The following USP15 variants were observed in gnomAD, a reference collection of about 807,000 sequenced individuals.
USP15 encodes the protein ubiquitin specific peptidase 15, also known as ubiquitin carboxyl-terminal hydrolase 15.
A neutral mutation model predicts 127.1 loss-of-function variants in USP15; 18 were observed. That is an observed-to-expected ratio of 0.14 (90% CI 0.10 to 0.21). USP15 has a LOEUF of 0.21. Among genes scored for constraint, USP15 ranks in the 10% least tolerant of loss-of-function variants. The probability of loss-of-function intolerance (pLI) is 1.00; values close to 1 mark genes in which losing one functional copy is unlikely to be tolerated. For missense variants in USP15, 805 were observed against 1,159.9 expected, an observed-to-expected ratio of 0.69 and a Z score of 4.44; for synonymous variants, 364 against 393.7, an observed-to-expected ratio of 0.92 and a Z score of 0.89.
At chr12:62,314,029 T>C in intron 3 of USP15, 3 of 898,560 alleles carry the variant, frequency 3.3e-6, no homozygotes, top group Non-Finnish European at 4.0e-6. Context: ...AGTTAACCTT[T>C]AGAAGATCGA....
At chr12:62,276,812 A>C (rs1014897854) in intron 1 of USP15, among the ~76,000 whole-genome samples, 1 of 152,138 alleles carries the variant, frequency 6.6e-6, no homozygotes, top group Non-Finnish European at 1.5e-5. Context: ...GTACAACTAT[A>C]AAAAATAAAT....
intron 1 of USP15, among the ~76,000 whole-genome samples, chr12:62,269,329 T>C: frequency 6.6e-6 from 1 of 152,068 alleles, no homozygotes; most frequent in Non-Finnish European, 1.5e-5. Flanking sequence ...TAAGTATATA[T>C]ATATGTGTGT....
rs11174459 is a variant in USP15, at chr12:62,394,830, C to T, written c.2571-1465C>T. Among the ~76,000 whole-genome samples the T allele has an allele frequency of 4.7e-5, 7 of 149,256 alleles. 1 individual carries two copies. Among genetic ancestry groups the T allele is most frequent in the South Asian group, 4.2e-4 (2 of 4,742 alleles). ...CGCCACTGCACTCCAGGCTGCCTGG[C>T]GACAGAGCGAGACTCCCTCTCAAAA... On this transcript the variant is annotated intron_variant, in intron 19 of 21. Transcript: ENST00000280377.
chr12:62,347,137 A>G (rs1429231768), intron 6 of USP15, among the ~76,000 whole-genome samples: 1 of 152,152 alleles, frequency 6.6e-6, no homozygotes, highest in Non-Finnish European at 1.5e-5. Context: ...TGAGGCATAC[A>G]GTAGTCATTT....
intron 3 of USP15, among the ~76,000 whole-genome samples, chr12:62,308,201 G>C (rs924841902): frequency 1.3e-5 from 2 of 151,874 alleles, no homozygotes; most frequent in African/African-American, 4.8e-5. Flanking sequence ...TGAACTCCAG[G>C]TTGCTAAAAT....
chr12:62,320,277 G>T (rs758820473), intron 4 of USP15, among the ~76,000 whole-genome samples: 1 of 152,040 alleles, frequency 6.6e-6, no homozygotes, highest in Non-Finnish European at 1.5e-5. Context: ...CATGAGATAC[G>T]GTTGTTTGTG....
chr12:62,265,860 CTTATT>C (rs1264639634), intron 1 of USP15, among the ~76,000 whole-genome samples: 2 of 152,150 alleles, frequency 1.3e-5, no homozygotes, highest in Non-Finnish European at 2.9e-5. Context: ...GCCTCTGTCT[CTTATT>C]TTAAAGATTC....
Position 62,280,249 on chromosome 12 carries a change from T to G in USP15, c.90-13930T>G, listed in dbSNP as rs189682810. 4.2e-3 allele frequency among the ~76,000 whole-genome samples: 637 copies of G among 151,096 alleles called. 4 individuals carry two copies. Among genetic ancestry groups the G allele is most frequent in the Non-Finnish European group, 7.5e-3 (504 of 67,136 alleles). On this transcript the variant is annotated intron_variant, in intron 1 of 21. Coordinates refer to ENST00000280377, the MANE Select transcript of USP15 (RefSeq NM_001252078.2). ...AATGAGGAAACTGAGATTTCCACTT[T>G]GTTTTTCTTCCAGACTTTCTGGGGA...
At chr12:62,325,769 AT>A (rs2065106947) in intron 5 of USP15, 102 bp from the exon 6 acceptor site, 1 of 936,906 alleles carries the variant, frequency 1.1e-6, no homozygotes, top group East Asian at 2.7e-5. Context: ...CCTTTAAATA[AT>A]CACAGAGTTA....
intron 7 of USP15, among the ~76,000 whole-genome samples, chr12:62,353,851 C>A (rs1327228964): frequency 6.6e-6 from 1 of 151,948 alleles, no homozygotes; most frequent in African/African-American, 2.4e-5. Context: ...AAGAAAGATG[C>A]ATGAATTATA....
Position 62,325,947 on chromosome 12 carries a change from C to T in USP15, c.683+14C>T. 7 of 1,600,144 alleles carry T rather than the reference C, an allele frequency of 4.4e-6. No homozygotes were observed. Among genetic ancestry groups the T allele is most frequent in the Non-Finnish European group, 6.0e-6 (7 of 1,172,480 alleles). The stretch of plus-strand genomic sequence containing the variant: ...TTCTACTCCTAAGTAAGTGCTCCCA[C>T]TTCTTATGGCTTATTGTATGATTTT... On this transcript the variant is annotated intron_variant, in intron 6 of 21. Transcript: ENST00000280377.
At chr12:62,270,750 T>G (rs1380377450) in intron 1 of USP15, among the ~76,000 whole-genome samples, 1 of 152,102 alleles carries the variant, frequency 6.6e-6, no homozygotes, top group Admixed American at 6.6e-5. Context: ...GTAGACAGTT[T>G]TAAAATCTGG....
intron 19 of USP15, among the ~76,000 whole-genome samples, chr12:62,395,725 A>G (rs917891590): frequency 5.3e-5 from 8 of 150,698 alleles, no homozygotes; most frequent in African/African-American, 1.7e-4. Context: ...TTATTTTTAG[A>G]TCCCACAAAT....
At chr12:62,295,144 C>A (rs530979443) in intron 2 of USP15, among the ~76,000 whole-genome samples, 1 of 152,054 alleles carries the variant, frequency 6.6e-6, no homozygotes. Flanking sequence ...GACCCCCCCC[C>A]ATAGGGTTGC....
At chr12:62,347,399 A>T (rs376772436) in intron 6 of USP15, among the ~76,000 whole-genome samples, 2 of 144,920 alleles carry the variant, frequency 1.4e-5, no homozygotes, top group African/African-American at 5.3e-5. Context: ...TATATGTCTC[A>T]GTCACTTTAT....
chr12:62,300,608 T>C (rs942705066), intron 2 of USP15, among the ~76,000 whole-genome samples: 2 of 152,104 alleles, frequency 1.3e-5, no homozygotes, highest in Admixed American at 1.3e-4. Flanking sequence ...GATCTACACA[T>C]ATATAGTCAT....
intron 7 of USP15, chr12:62,355,108 G>C: frequency 2.9e-6 from 1 of 347,890 alleles, no homozygotes. Flanking sequence ...GTATTGGTTG[G>C]TGTGGTATAT....
In USP15 at chr12:62,318,975, A is replaced by C. The variant is rs555032901; in HGVS notation, c.476-2489A>C. ...TTGGTTAGGATTGTTGCAGTAACCTAGTTTCCCACCTTTGACCTTGAATTA... is the reference window on the plus strand; with the variant it reads ...TTGGTTAGGATTGTTGCAGTAACCTCGTTTCCCACCTTTGACCTTGAATTA... On this transcript the variant is annotated intron_variant, in intron 4 of 21. Coordinates refer to ENST00000280377, the MANE Select transcript of USP15 (RefSeq NM_001252078.2). Among the ~76,000 whole-genome samples the C allele has an allele frequency of 1.1e-4, 17 of 152,126 alleles. No homozygotes were observed. In the South Asian group the frequency reaches 3.5e-3, roughly 32 times the overall value.
intron 8 of USP15, among the ~76,000 whole-genome samples, chr12:62,371,740 A>G (rs2137528299): frequency 6.6e-6 from 1 of 152,290 alleles, no homozygotes; most frequent in East Asian, 1.9e-4. Context: ...CTTCTAGGTC[A>G]TTGAGAAACA....
Sources: gnomAD v4.1 joint callset for allele counts (sites outside exome capture counted in the v4.1 genomes callset) on GRCh38, gnomAD v4.1.1 for gene constraint, MANE v1.5 for transcripts, NCBI Gene and HGNC (gene_info 2026-07-23, HGNC 2026-07-21) for gene names.